The following RPAP1 variants were observed in gnomAD, a reference collection of about 807,000 sequenced individuals.
RPAP1 encodes the protein RNA polymerase II associated protein 1, also known as RNA polymerase II-associated protein 1.
RPAP1 carries 109 observed loss-of-function variants against 142.4 expected under a neutral mutation model. The ratio of observed to expected loss-of-function variants is 0.77; its 90% CI spans 0.66 to 0.90. The LOEUF (loss-of-function observed/expected upper bound fraction) is 0.90, where lower values mean the gene tolerates loss of function less well. RPAP1 is among the 40% of genes least tolerant of loss of function. RPAP1 has a pLI of 0.00. For synonymous variants in RPAP1, 704 were observed against 738.9 expected, an observed-to-expected ratio of 0.95 and a Z score of 0.77; for missense variants, 1,546 against 1,751.7, an observed-to-expected ratio of 0.88 and a Z score of 2.10.
In RPAP1 at chr15:41,537,117, C is replaced by G; in HGVS notation, c.9G>C (p.Ser3=). 6.2e-7 allele frequency: 1 copy of G among 1,613,876 alleles called. No homozygotes were observed. The highest frequency in any genetic ancestry group is 1.3e-5 in the African/African-American group (1 of 75,034). ML[S]RPKPGESEVD... ...CCTCGGACTCCCCTGGCTTCGGTCT[C>G]GACAGCATCTTGCTGCTCCAGCTGC... The change falls in exon 2 of 25, where the codon TCG becomes TCC. Residue 3 remains serine, a synonymous_variant. Coordinates refer to ENST00000304330, the MANE Select transcript of RPAP1 (RefSeq NM_015540.4).
At chr15:41,523,740 G>A (rs775434256) in intron 17 of RPAP1, 31 bp downstream of exon 17, 2 of 1,555,114 alleles carry the variant, frequency 1.3e-6, no homozygotes, top group Non-Finnish European at 1.7e-6. Context: ...GGGTGCGGGG[G>A]CCTGGTGGAC....
chr15:41,526,854 C>G (rs996075224), intron 14 of RPAP1, 44 bp downstream of exon 14: 2 of 1,556,206 alleles, frequency 1.3e-6, no homozygotes, highest in Non-Finnish European at 8.7e-7. Flanking sequence ...CAACCCAACC[C>G]TGTCCCATGC....
At chr15:41,527,373 C>T (rs770478182) in intron 12 of RPAP1, 50 bp downstream of exon 12, 1 of 1,612,880 alleles carries the variant, frequency 6.2e-7, no homozygotes, top group South Asian at 1.1e-5. Context: ...CTCTTTCCAG[C>T]ATGTGCTTGT....
At chr15:41,522,047 A>G in intron 20 of RPAP1, 51 bp downstream of exon 20, 1 of 1,598,494 alleles carries the variant, frequency 6.3e-7, no homozygotes, top group East Asian at 2.2e-5. Flanking sequence ...CCACAGAAAC[A>G]GGAAGGAGAT....
chr15:41,532,931 A>T (rs1049150528), intron 6 of RPAP1, among the ~76,000 whole-genome samples: 20 of 139,732 alleles, frequency 1.4e-4, no homozygotes, highest in Admixed American at 6.4e-4. Flanking sequence ...GTGAGCTGAG[A>T]TCGTGTCACT....
chr15:41,538,419 G>C (rs963818802), intron 1 of RPAP1, among the ~76,000 whole-genome samples: 1 of 152,088 alleles, frequency 6.6e-6, no homozygotes, highest in East Asian at 1.9e-4. Flanking sequence ...GTCAGAAACA[G>C]AATCTCAAGT....
intron 13 of RPAP1, 26 bp downstream of exon 13, chr15:41,527,141 C>G: frequency 6.2e-7 from 1 of 1,613,830 alleles, no homozygotes; most frequent in Non-Finnish European, 8.5e-7. Flanking sequence ...GGCTTTTTGC[C>G]CATTCCCTGC....
chr15:41,523,625 A>G, intron 17 of RPAP1, 146 bp downstream of exon 17: 1 of 808,882 alleles, frequency 1.2e-6, no homozygotes, highest in Non-Finnish European at 2.0e-6. Flanking sequence ...TGGAGGTAGA[A>G]AGAGGAGGAA....
At chr15:41,520,236 T>A in intron 22 of RPAP1, 155 bp downstream of exon 22, 1 of 808,048 alleles carries the variant, frequency 1.2e-6, no homozygotes, top group African/African-American at 1.7e-5. Context: ...ACCCAGCCCA[T>A]GTTAAGCCCT....
intron 9 of RPAP1, among the ~76,000 whole-genome samples, chr15:41,528,935 T>C (rs989397364): frequency 4.6e-5 from 7 of 151,200 alleles, no homozygotes; most frequent in Admixed American, 3.3e-4. Context: ...ATGGAGGGCA[T>C]GGAGAGTGAG....
At chr15:41,535,728 A>C (rs2051900071) in intron 4 of RPAP1, 96 bp from the exon 5 acceptor site, 2 of 1,502,950 alleles carry the variant, frequency 1.3e-6, no homozygotes, top group Non-Finnish European at 1.8e-6. Context: ...AAGAGATAAA[A>C]GGGGATTTGC....
At chr15:41,524,401 G>C (rs551312849) in intron 15 of RPAP1, 147 bp from the exon 16 acceptor site, 1 of 578,070 alleles carries the variant, frequency 1.7e-6, no homozygotes, top group Admixed American at 3.7e-5. Context: ...CAGCCCTAAA[G>C]AATGGAAAGG....
At chr15:41,527,125 C>T in intron 13 of RPAP1, 42 bp downstream of exon 13, 1 of 1,613,620 alleles carries the variant, frequency 6.2e-7, no homozygotes. Flanking sequence ...AGACAAGGCC[C>T]AGCTAGGCTT....
chr15:41,543,849 A>T (rs1416606573), intron 1 of RPAP1: 4 of 152,158 alleles, frequency 2.6e-5, no homozygotes, highest in Non-Finnish European at 5.9e-5. Flanking sequence ...TCGTAAAAAA[A>T]AGTAGTCCTA....
chr15:41,524,052 G>A (rs1368011522), intron 16 of RPAP1, 44 bp downstream of exon 16: 1 of 1,600,552 alleles, frequency 6.2e-7, no homozygotes, highest in South Asian at 1.1e-5. Flanking sequence ...CCAGCCCTGT[G>A]GAGGAGCCCT....
chr15:41,531,627 A>ATT lies in RPAP1; in HGVS notation c.764-427_764-426dup, dbSNP rs150550154. On this transcript the variant is annotated intron_variant, in intron 6 of 24. Coordinates refer to ENST00000304330, the MANE Select transcript of RPAP1 (RefSeq NM_015540.4). ...TATATATATATATATATATATATAT[A>ATT]TTTTTTTTTTTTTTTTTTTTTTTTT... 3.8e-3 allele frequency among the ~76,000 whole-genome samples: 84 copies of ATT among 22,004 alleles called. 1 individual carries two copies. The highest frequency in any genetic ancestry group is 0.014 in the Admixed American group (23 of 1,642). The allele number at this position is 22,004 out of a possible 152,430, so 14.4% of individuals were successfully genotyped here.
intron 6 of RPAP1, among the ~76,000 whole-genome samples, 162 bp from the exon 7 acceptor site, chr15:41,531,364 A>G (rs928515051): frequency 1.3e-5 from 2 of 151,870 alleles, no homozygotes; most frequent in Non-Finnish European, 2.9e-5. Flanking sequence ...TGGCCCATCA[A>G]TGACCCAGCC....
chr15:41,532,263 G>A (rs949869755), intron 6 of RPAP1, among the ~76,000 whole-genome samples: 8 of 151,728 alleles, frequency 5.3e-5, no homozygotes, highest in East Asian at 1.9e-4. Context: ...CTTGTGATCC[G>A]CCCACCTCAG....
intron 1 of RPAP1, among the ~76,000 whole-genome samples, chr15:41,538,848 A>T (rs1004002712): frequency 6.6e-6 from 1 of 152,178 alleles, no homozygotes; most frequent in Non-Finnish European, 1.5e-5. Context: ...ATACTAAGTG[A>T]AAGAAGCTAT....
Sources: allele counts gnomAD v4.1 joint callset (sites outside exome capture counted in the v4.1 genomes callset), GRCh38; gene constraint gnomAD v4.1.1; transcripts MANE v1.5; gene names NCBI Gene and HGNC (gene_info 2026-07-23, HGNC 2026-07-21).